CSMD1: variants seen among roughly 807,000 people sequenced by gnomAD.
CSMD1 encodes CUB and Sushi multiple domains 1, also known as CUB and sushi domain-containing protein 1.
Under a neutral mutation model 417.5 loss-of-function variants are expected in CSMD1, and 213 were observed. That is an observed-to-expected ratio of 0.51 (90% CI 0.46 to 0.57). The LOEUF (loss-of-function observed/expected upper bound fraction) is 0.57. CSMD1 is among the 20% of genes least tolerant of loss of function. The probability of loss-of-function intolerance (pLI) is 0.00; values close to 1 mark genes in which losing one functional copy is unlikely to be tolerated. For synonymous variants in CSMD1, 2,862 were observed against 1,736.8 expected (o/e 1.65, Z -16.11); for missense variants, 6,923 against 4,529.7 (o/e 1.53, Z -15.17).
chr8:3,981,709 T>G (rs912973180), intron 5 of CSMD1, among the ~76,000 whole-genome samples: 8 of 152,088 alleles, frequency 5.3e-5, no homozygotes, highest in African/African-American at 1.9e-4. Context: ...CTCTTTTGTA[T>G]TTGATTTCTT....
chr8:4,806,369 G>T (rs539617308), intron 1 of CSMD1, among the ~76,000 whole-genome samples: 1 of 152,118 alleles, frequency 6.6e-6, no homozygotes, highest in Non-Finnish European at 1.5e-5. Context: ...TATTGAACTC[G>T]TGTCTCACCT....
intron 48 of CSMD1, among the ~76,000 whole-genome samples, chr8:3,088,820 A>G (rs1337248300): frequency 1.4e-5 from 2 of 142,678 alleles, no homozygotes; most frequent in Non-Finnish European, 1.5e-5. Context: ...CTGAATATCA[A>G]TGGCTTGGAA....
intron 3 of CSMD1, among the ~76,000 whole-genome samples, chr8:4,257,133 T>G (rs1403457498): frequency 6.6e-6 from 1 of 152,138 alleles, no homozygotes; most frequent in Non-Finnish European, 1.5e-5. Flanking sequence ...ACTCACCACA[T>G]TTGTTACCTA....
chr8:3,868,164 C>A (rs1299172872), intron 5 of CSMD1, among the ~76,000 whole-genome samples: 2 of 152,100 alleles, frequency 1.3e-5, no homozygotes, highest in Non-Finnish European at 2.9e-5. Flanking sequence ...TTCCACTCCA[C>A]TCTGCTGAAC....
chr8:3,310,468 G>C (rs891240438), intron 23 of CSMD1, among the ~76,000 whole-genome samples: 17 of 152,120 alleles, frequency 1.1e-4, no homozygotes, highest in Non-Finnish European at 2.2e-4. Context: ...GATTCTCCCT[G>C]GCCACACTTG....
chr8:3,759,297 G>C (rs1027198908), intron 5 of CSMD1, among the ~76,000 whole-genome samples: 1 of 152,132 alleles, frequency 6.6e-6, no homozygotes, highest in African/African-American at 2.4e-5. Flanking sequence ...GAATGATCTA[G>C]AATGATCCTG....
chr8:4,350,056 C>CA (rs2128900375), intron 3 of CSMD1, among the ~76,000 whole-genome samples: 1 of 152,240 alleles, frequency 6.6e-6, no homozygotes, highest in East Asian at 1.9e-4. Flanking sequence ...TAGCTTATTT[C>CA]AAATAAGAAT....
chr8:4,881,405 G>C (rs1396114454), intron 1 of CSMD1, among the ~76,000 whole-genome samples: 3 of 149,208 alleles, frequency 2.0e-5, no homozygotes, highest in Non-Finnish European at 4.4e-5. Flanking sequence ...AATATACCTA[G>C]TATACATATC....
chr8:4,972,397 A>C (rs1435765972), intron 1 of CSMD1, among the ~76,000 whole-genome samples: 1 of 152,138 alleles, frequency 6.6e-6, no homozygotes, highest in Non-Finnish European at 1.5e-5. Flanking sequence ...TGCTGTTCTC[A>C]TGATAGCAAG....
At chr8:3,599,496 T>C (rs979590984) in intron 8 of CSMD1, among the ~76,000 whole-genome samples, 2 of 151,880 alleles carry the variant, frequency 1.3e-5, no homozygotes, top group African/African-American at 4.8e-5. Context: ...CAACGCAGAG[T>C]TAGTAACCCC....
At chr8:4,466,526 A>C (rs1466385302) in intron 2 of CSMD1, among the ~76,000 whole-genome samples, 1 of 152,224 alleles carries the variant, frequency 6.6e-6, no homozygotes, top group African/African-American at 2.4e-5. Flanking sequence ...AGGCAATGGA[A>C]AGCTGTGTTT....
chr8:4,011,705 T>G (rs947537694), intron 4 of CSMD1, among the ~76,000 whole-genome samples: 3 of 152,026 alleles, frequency 2.0e-5, no homozygotes, highest in African/African-American at 4.8e-5. Flanking sequence ...TCACAAGAAC[T>G]TGCAAAATAG....
intron 40 of CSMD1, among the ~76,000 whole-genome samples, chr8:3,150,643 T>A (rs1263981517): frequency 6.6e-6 from 1 of 152,220 alleles, no homozygotes; most frequent in Non-Finnish European, 1.5e-5. Flanking sequence ...CCAGCTACTC[T>A]GCCCGAGGAC....
rs76958112 is a variant in CSMD1, at chr8:4,307,170, G to A, written c.415+112783C>T. Among the ~76,000 whole-genome samples the A allele has an allele frequency of 1.0e-3, 159 of 152,174 alleles. 1 individual carries two copies. The East Asian group carries it at 0.028, about 27-fold the overall frequency. ...TTTCTACTTCTCATCTTCAGCACAG[G>A]CTCCATTTAATACTGTATCAACCCC... On this transcript the variant is annotated intron_variant, in intron 3 of 69. Transcript: ENST00000635120.
chr8:4,076,618 G>A (rs963455929), intron 3 of CSMD1, among the ~76,000 whole-genome samples: 1 of 152,110 alleles, frequency 6.6e-6, no homozygotes, highest in Non-Finnish European at 1.5e-5. Context: ...TTTGATAGTT[G>A]CCTGTTACCT....
chr8:4,551,726 C>G (rs1563279275), intron 2 of CSMD1, among the ~76,000 whole-genome samples: 1 of 152,048 alleles, frequency 6.6e-6, no homozygotes, highest in Non-Finnish European at 1.5e-5. Context: ...AGGCTGGAGT[C>G]CAGGCTGGAG....
chr8:4,598,248 C>A (rs571459297), intron 2 of CSMD1, among the ~76,000 whole-genome samples: 1 of 152,248 alleles, frequency 6.6e-6, no homozygotes, highest in Admixed American at 6.5e-5. Flanking sequence ...TAATTTATGC[C>A]ACACTCACCT....
At chr8:4,412,258 G>A (rs991921196) in intron 3 of CSMD1, among the ~76,000 whole-genome samples, 2 of 152,034 alleles carry the variant, frequency 1.3e-5, no homozygotes, top group African/African-American at 4.8e-5. Flanking sequence ...GATCATGGTG[G>A]GGCAGATTTC....
intron 5 of CSMD1, among the ~76,000 whole-genome samples, chr8:3,765,277 AG>A (rs1247286234): frequency 2.0e-5 from 3 of 152,098 alleles, no homozygotes; most frequent in African/African-American, 4.8e-5. Flanking sequence ...AATCTATGCT[AG>A]CCCCACGGAC....
Sources: allele counts gnomAD v4.1 joint callset (sites outside exome capture counted in the v4.1 genomes callset), GRCh38; gene constraint gnomAD v4.1.1; transcripts MANE v1.5; gene names NCBI Gene and HGNC (gene_info 2026-07-23, HGNC 2026-07-21).